Variants in RALYL observed in about 807,000 individuals in gnomAD.
The protein encoded by RALYL is RNA-binding Raly-like protein.
Under a neutral mutation model 35.1 loss-of-function variants are expected in RALYL, and 29 were observed. The ratio of observed to expected loss-of-function variants is 0.83; its 90% confidence interval spans 0.61 to 1.13. The LOEUF (loss-of-function observed/expected upper bound fraction) is 1.13. RALYL is among the 50% of genes most tolerant of loss of function. The probability of loss-of-function intolerance (pLI) is 0.00; values close to 1 mark genes in which losing one functional copy is unlikely to be tolerated. For synonymous variants in RALYL, 120 were observed against 127.6 expected (o/e 0.94, Z 0.40); for missense variants, 359 against 360.4 (o/e 1.00, Z 0.03).
intron 4 of RALYL, among the ~76,000 whole-genome samples, chr8:84,805,673 AG>A (rs1824418922): frequency 6.6e-6 from 1 of 152,188 alleles, no homozygotes; most frequent in Non-Finnish European, 1.5e-5. Flanking sequence ...TGGGTGACAG[AG>A]CAAGACTCTG....
At chr8:84,765,520 A>T (rs1813709534) in intron 2 of RALYL, among the ~76,000 whole-genome samples, 1 of 152,130 alleles carries the variant, frequency 6.6e-6, no homozygotes, top group Non-Finnish European at 1.5e-5. Context: ...CAGTATCTCA[A>T]ACATCTATAT....
intron 1 of RALYL, among the ~76,000 whole-genome samples, chr8:84,200,974 CCTT>C (rs1253295059): frequency 6.6e-6 from 1 of 151,982 alleles, no homozygotes; most frequent in African/African-American, 2.4e-5. Context: ...ATTTTTTTAT[CCTT>C]CTGTGTGTCA....
intron 2 of RALYL, among the ~76,000 whole-genome samples, chr8:84,700,712 T>C (rs1161833488): frequency 6.6e-6 from 1 of 152,188 alleles, no homozygotes; most frequent in Non-Finnish European, 1.5e-5. Context: ...AGCCGTTAAA[T>C]ATTTTAGTAA....
chr8:84,429,487 TC>T (rs201011759), intron 1 of RALYL, among the ~76,000 whole-genome samples: 4 of 130,882 alleles, frequency 3.1e-5, no homozygotes, highest in South Asian at 3.0e-4. Flanking sequence ...AAATGCTTTT[TC>T]CAGAAAAATA....
chr8:84,301,725 A>C (rs1840824951), intron 1 of RALYL, among the ~76,000 whole-genome samples: 1 of 152,168 alleles, frequency 6.6e-6, no homozygotes, highest in African/African-American at 2.4e-5. Flanking sequence ...TAACTAGATA[A>C]TTTTACTAGT....
intron 1 of RALYL, among the ~76,000 whole-genome samples, chr8:84,287,524 C>T (rs1475218754): frequency 6.6e-6 from 1 of 151,970 alleles, no homozygotes; most frequent in Non-Finnish European, 1.5e-5. Flanking sequence ...TCATGGGTGG[C>T]ATCTTGTTTG....
At chr8:84,680,314 G>A (rs1835162269) in intron 2 of RALYL, among the ~76,000 whole-genome samples, 2 of 152,050 alleles carry the variant, frequency 1.3e-5, no homozygotes, top group Non-Finnish European at 2.9e-5. Flanking sequence ...AAACATACGT[G>A]TGCATGTGTC....
intron 1 of RALYL, among the ~76,000 whole-genome samples, chr8:84,370,866 G>A (rs990570127): frequency 5.9e-5 from 9 of 151,980 alleles, no homozygotes; most frequent in Non-Finnish European, 1.2e-4. Flanking sequence ...TAGATTGTCA[G>A]AGGTTGCAAA....
intron 1 of RALYL, among the ~76,000 whole-genome samples, chr8:84,416,291 A>G (rs910837335): frequency 6.6e-6 from 1 of 152,258 alleles, no homozygotes; most frequent in Admixed American, 6.5e-5. Context: ...CAAGACAGAC[A>G]TTAAATATCA....
chr8:84,894,643 G>A (rs1436208421), intron 8 of RALYL, among the ~76,000 whole-genome samples: 1 of 152,188 alleles, frequency 6.6e-6, no homozygotes, highest in Non-Finnish European at 1.5e-5. Flanking sequence ...ACAGAAATGG[G>A]ATATGACTCA....
chr8:84,744,010 G>C (rs912322315), intron 2 of RALYL, among the ~76,000 whole-genome samples: 2 of 151,856 alleles, frequency 1.3e-5, no homozygotes, highest in Non-Finnish European at 2.9e-5. Context: ...AATTGGAGAC[G>C]GATAGTAGCA....
At chr8:84,789,862 G>T (rs1460046146) in intron 3 of RALYL, among the ~76,000 whole-genome samples, 1 of 151,810 alleles carries the variant, frequency 6.6e-6, no homozygotes, top group East Asian at 1.9e-4. Context: ...AAAAGAAAAA[G>T]AATAAAAGAA....
intron 1 of RALYL, among the ~76,000 whole-genome samples, chr8:84,242,106 G>A (rs1159164660): frequency 6.6e-6 from 1 of 152,116 alleles, no homozygotes; most frequent in African/African-American, 2.4e-5. Context: ...TACAGTGTTT[G>A]GATTTCTGTT....
At chr8:84,776,976 G>A (rs1257563763) in intron 3 of RALYL, among the ~76,000 whole-genome samples, 1 of 152,164 alleles carries the variant, frequency 6.6e-6, no homozygotes, top group African/African-American at 2.4e-5. Flanking sequence ...ATACAAAAAC[G>A]TGAATGTATA....
At chr8:84,767,293 C>T (rs928003360) in intron 2 of RALYL, among the ~76,000 whole-genome samples, 29 of 152,142 alleles carry the variant, frequency 1.9e-4, no homozygotes, top group African/African-American at 5.3e-4. Context: ...ATATCTGTCA[C>T]GGCATCATGG....
At position 84,760,363 on chromosome 8, in the gene RALYL, T is replaced by C. The variant is rs143894804; in HGVS notation, c.257-14216T>C. The stretch of plus-strand genomic sequence containing the variant: ...GAAGTTGGTTATGTTATACAAATAA[T>C]TTATTGTTGCATCCAAAGAGCTGTG... On this transcript the variant is annotated intron_variant, in intron 2 of 8. Coordinates refer to ENST00000521268, the MANE Select transcript of RALYL (RefSeq NM_173848.7). 3.2e-4 allele frequency among the ~76,000 whole-genome samples: 48 copies of C among 152,174 alleles called. 1 individual carries two copies. The highest frequency in any genetic ancestry group is 4.7e-4 in the Non-Finnish European group (32 of 67,964).
intron 2 of RALYL, among the ~76,000 whole-genome samples, chr8:84,710,311 T>G (rs1841960993): frequency 6.6e-6 from 1 of 152,034 alleles, no homozygotes; most frequent in Non-Finnish European, 1.5e-5. Flanking sequence ...TTTGTTTGTT[T>G]GTTTTGAGAC....
intron 7 of RALYL, among the ~76,000 whole-genome samples, chr8:84,880,687 C>T (rs937261154): frequency 2.0e-5 from 3 of 151,964 alleles, no homozygotes; most frequent in Non-Finnish European, 2.9e-5. Flanking sequence ...ATAAAATTTA[C>T]TCATTTCAAG....
intron 3 of RALYL, among the ~76,000 whole-genome samples, chr8:84,782,456 G>A (rs1818409340): frequency 6.6e-6 from 1 of 152,232 alleles, no homozygotes; most frequent in Non-Finnish European, 1.5e-5. Context: ...AGAAAGGGCT[G>A]AAATTTCACA....
Sources: gnomAD v4.1 joint callset for allele counts (sites outside exome capture counted in the v4.1 genomes callset) on GRCh38, gnomAD v4.1.1 for gene constraint, MANE v1.5 for transcripts, NCBI Gene and HGNC (gene_info 2026-07-23, HGNC 2026-07-21) for gene names.